Variants in TAF9 observed in about 807,000 individuals in gnomAD.
TAF9 encodes transcription initiation factor TFIID subunit 9.
A neutral mutation model predicts 16.5 loss-of-function variants in TAF9; 10 were observed. That is an observed-to-expected ratio of 0.61 (90% confidence interval 0.37 to 1.03). The LOEUF (loss-of-function observed/expected upper bound fraction) is 1.03, where lower values mean the gene tolerates loss of function less well. Among genes scored for constraint, TAF9 ranks in the 50% least tolerant of loss-of-function variants. The pLI is 0.01. For missense variants in TAF9, 288 were observed against 319.1 expected (o/e 0.90, Z 0.74); for synonymous variants, 105 against 120.5 (o/e 0.87, Z 0.84).
chr5:69,369,610 G>A (rs370324042), upstream of TAF9: 4 of 1,579,460 alleles, frequency 2.5e-6, no homozygotes, highest in Non-Finnish European at 3.4e-6. Flanking sequence ...AGCCCACCGC[G>A]GCGCCCCTAG....
chr5:69,365,025 T>C lies in TAF9; in HGVS notation c.713A>G (p.Asn238Ser). ...TCTTTTCAATGCATTTGATGATTCA[T>C]TGGCAGTATTTTGTGATGACATCAT... ...TNMMSSQNTA[N>S]ESSNALKRKR... Residue 238 changes from asparagine to serine, a missense_variant, in exon 3 of 3, where the codon AAT (asparagine) becomes AGT (serine). By Grantham distance (46) the Asn-to-Ser change is conservative (BLOSUM62 1). Transcript: ENST00000217893. The C allele has an allele frequency of 1.1e-5, 17 of 1,614,164 alleles. No individual in the cohort carries two copies. The highest frequency in any genetic ancestry group is 1.4e-5 in the Non-Finnish European group (16 of 1,180,000).
chr5:69,369,136 A>C, intron 1 of TAF9: 1 of 445,116 alleles, frequency 2.2e-6, no homozygotes, highest in Non-Finnish European at 3.9e-6. Flanking sequence ...CTGCCAAAGA[A>C]TCAACAACCC....
chr5:69,366,523 A>C lies in TAF9; in HGVS notation c.-38T>G. ...CTTACCTTCTCGAGCTAAATCACCC[A>C]CATTAATGTATTTCAGTCCTGATTT... On this transcript the variant is annotated 5_prime_UTR_variant, in exon 2 of 3. Coordinates refer to ENST00000217893, the MANE Select transcript of TAF9 (RefSeq NM_003187.5). 1 of 1,613,780 alleles carries C rather than the reference A, an allele frequency of 6.2e-7. No homozygotes were observed. Among genetic ancestry groups the C allele is most frequent in the Non-Finnish European group, 8.5e-7 (1 of 1,179,888 alleles).
chr5:69,368,845 C>T (rs1169684314), intron 1 of TAF9: 1 of 152,278 alleles, frequency 6.6e-6, no homozygotes, highest in African/African-American at 2.4e-5. Context: ...GCTTCAAAGA[C>T]CCACTCCTAC....
intron 1 of TAF9, chr5:69,366,910 C>G (rs541051286): frequency 1.9e-5 from 5 of 266,256 alleles, no homozygotes; most frequent in South Asian, 5.7e-5. Flanking sequence ...AGGTGCCCAC[C>G]ACCATACCCA....
At chr5:69,369,629 G>C, upstream of TAF9, 2 of 1,568,568 alleles carry the variant, frequency 1.3e-6, no homozygotes, top group Non-Finnish European at 1.7e-6. Context: ...AGCCTGCCCC[G>C]GCGGCCCAGC....
intron 2 of TAF9, 109 bp from the exon 3 acceptor site, chr5:69,365,863 A>G (rs549590211): frequency 1.4e-6 from 1 of 729,044 alleles, no homozygotes; most frequent in East Asian, 3.1e-5. Context: ...AAACTGTAAA[A>G]AAATTTTTAA....
At position 69,369,459 on chromosome 5, in the gene TAF9, T is replaced by C. The variant is rs756539824; in HGVS notation, c.-111+4A>G. ...CCCAGTCCCTCCCGGCCGCGCGCCCTGACCGGTGAGCAGGATGTTCGGAAG... is the reference window on the plus strand; with the variant it reads ...CCCAGTCCCTCCCGGCCGCGCGCCCCGACCGGTGAGCAGGATGTTCGGAAG... On this transcript the variant is annotated splice_donor_region_variant and intron_variant, in intron 1 of 2. Transcript: ENST00000217893. 1.7e-5 allele frequency: 27 copies of C among 1,610,080 alleles called. No homozygotes were observed. In the African/African-American group the frequency reaches 2.8e-4, roughly 17 times the overall value.
At chr5:69,369,060 A>G (rs1281483510) in intron 1 of TAF9, 1 of 263,044 alleles carries the variant, frequency 3.8e-6, no homozygotes, top group Non-Finnish European at 7.1e-6. Flanking sequence ...GGCATCCACC[A>G]TTAATGACTC....
At chr5:69,366,931 G>T (rs1208282577) in intron 1 of TAF9, 1 of 236,248 alleles carries the variant, frequency 4.2e-6, no homozygotes, top group Non-Finnish European at 8.5e-6. Context: ...GCTAATTTTT[G>T]TATTTTCAGT....
chr5:69,364,957 A>C lies in TAF9; in HGVS notation c.781T>G (p.Tyr261Asp). 1 of 1,611,020 alleles carries C rather than the reference A, an allele frequency of 6.2e-7. No individual in the cohort carries two copies. Among genetic ancestry groups the C allele is most frequent in the East Asian group, 2.2e-5 (1 of 44,868 alleles). Residue 261 changes from tyrosine (Y) to aspartate (D), a missense_variant, in exon 3 of 3, where the codon TAT (tyrosine) becomes GAT (aspartate). Transcript: ENST00000217893. ...DDDDDDDDDDYDNL is the reference protein window; with the variant it reads ...DDDDDDDDDDDDNL ...GCAAGGCTAGATTACAGATTATCAT[A>C]GTCATCATCATCATCATCGTCATCA...
chr5:69,369,252 T>A, intron 1 of TAF9: 5 of 19,724 alleles, frequency 2.5e-4, no homozygotes, highest in Non-Finnish European at 4.4e-4. Context: ...CCCCGGAGCC[T>A]CAGGCCAACG....
chr5:69,367,870 A>T (rs1041593078), intron 1 of TAF9: 2 of 152,216 alleles, frequency 1.3e-5, no homozygotes, highest in Non-Finnish European at 2.9e-5. Context: ...ATAAAGATTT[A>T]AAAACTGTTC....
At chr5:69,365,845 T>C in intron 2 of TAF9, 91 bp from the exon 3 acceptor site, 1 of 999,606 alleles carries the variant, frequency 1.0e-6, no homozygotes, top group Non-Finnish European at 1.4e-6. Context: ...AAATTTTAAA[T>C]CTATGTTAAA....
intron 1 of TAF9, 171 bp downstream of exon 1, chr5:69,369,292 C>T (rs1762730655): frequency 1.7e-6 from 1 of 594,362 alleles, no homozygotes; most frequent in Non-Finnish European, 2.7e-6. Context: ...CCTCCCTCGC[C>T]TCCCGCAACG....
chr5:69,366,566 C>T lies in TAF9; in HGVS notation c.-81G>A. Reference sequence around the variant, plus strand: ...CCTGATTTTGACGCAAGTTCTTTGCCTAGTGTGGTTTTTCCAACCCCTGGT... The same window carrying T: ...CCTGATTTTGACGCAAGTTCTTTGCTTAGTGTGGTTTTTCCAACCCCTGGT... On this transcript the variant is annotated 5_prime_UTR_variant, in exon 2 of 3. Transcript: ENST00000217893. 3 of 1,614,060 alleles carry T rather than the reference C, an allele frequency of 1.9e-6. No homozygotes were observed. The highest frequency in any genetic ancestry group is 2.5e-6 in the Non-Finnish European group (3 of 1,180,010).
In TAF9 at chr5:69,365,606, G is replaced by A. The variant is rs758178796; in HGVS notation, c.132C>T (p.Phe44=). The change falls in exon 3 of 3, where the codon TTC becomes TTT. Residue 44 remains phenylalanine (F), a synonymous_variant. Coordinates refer to ENST00000217893, the MANE Select transcript of TAF9 (RefSeq NM_003187.5). ...CATCTAGAATTGTGGTCACATATCG[G>A]AAGGCAAACTCCAACATCTGATTTA... is the stretch of plus-strand genomic sequence containing the variant. ...RVINQMLEFA[F]RYVTTILDDA... 5.0e-6 allele frequency: 8 copies of A among 1,614,070 alleles called. No homozygotes were observed. The highest frequency in any genetic ancestry group is 6.8e-6 in the Non-Finnish European group (8 of 1,180,012).
intron 1 of TAF9, 164 bp downstream of exon 1, chr5:69,369,299 A>C (rs1580334817): frequency 6.4e-5 from 16 of 249,768 alleles, no homozygotes; most frequent in Non-Finnish European, 5.8e-5. Context: ...CGCCTCCCGC[A>C]ACGCCCGCGA....
chr5:69,366,595 C>T lies in TAF9; in HGVS notation c.-110G>A. Reference sequence around the variant, plus strand: ...TGTGGTTTTTCCAACCCCTGGTGTACCTGTAAGACAAGCCACAGAAAAATA... The same window carrying T: ...TGTGGTTTTTCCAACCCCTGGTGTATCTGTAAGACAAGCCACAGAAAAATA... On this transcript the variant is annotated splice_region_variant and 5_prime_UTR_variant, in exon 2 of 3. Coordinates refer to ENST00000217893, the MANE Select transcript of TAF9 (RefSeq NM_003187.5). The T allele has an allele frequency of 6.2e-7, 1 of 1,610,980 alleles. No homozygotes were observed. Among genetic ancestry groups the T allele is most frequent in the Non-Finnish European group, 8.5e-7 (1 of 1,177,334 alleles).
Sources: gnomAD v4.1 joint callset for allele counts on GRCh38, gnomAD v4.1.1 for gene constraint, MANE v1.5 for transcripts, NCBI Gene and HGNC (gene_info 2026-07-23, HGNC 2026-07-21) for gene names.